The following MCU variants were observed in gnomAD, a reference collection of about 807,000 sequenced individuals.
MCU encodes mitochondrial calcium uniporter, also known as calcium uniporter protein, mitochondrial.
MCU carries 12 observed loss-of-function variants against 45.2 expected under a neutral mutation model. The observed-to-expected ratio is 0.27, with a 90% confidence interval of 0.17 to 0.43. MCU has a LOEUF of 0.43. MCU is among the 20% of genes least tolerant of loss of function. The probability of loss-of-function intolerance (pLI) is 1.00; values close to 1 mark genes in which losing one functional copy is unlikely to be tolerated. For synonymous variants in MCU, 160 were observed against 165.1 expected (o/e 0.97, Z 0.24); for missense variants, 324 against 436.7 (o/e 0.74, Z 2.30).
chr10:72,829,289 C>T (rs1055926320), intron 1 of MCU, among the ~76,000 whole-genome samples: 1 of 148,446 alleles, frequency 6.7e-6, no homozygotes, highest in Non-Finnish European at 1.5e-5. Flanking sequence ...TGCTACTGCA[C>T]TCCAGCCTGG....
intron 1 of MCU, among the ~76,000 whole-genome samples, chr10:72,752,260 T>C (rs1589444800): frequency 6.6e-6 from 1 of 151,798 alleles, no homozygotes; most frequent in African/African-American, 2.4e-5. Context: ...TCCAGATTTT[T>C]TTTTTTTTTT....
intron 6 of MCU, among the ~76,000 whole-genome samples, chr10:72,874,169 A>C (rs1564581314): frequency 6.6e-6 from 1 of 152,186 alleles, no homozygotes; most frequent in African/African-American, 2.4e-5. Flanking sequence ...GAATGCATCA[A>C]ATGTGTACAT....
chr10:72,694,353 G>A (rs758523599), intron 1 of MCU, among the ~76,000 whole-genome samples: 25 of 152,308 alleles, frequency 1.6e-4, no homozygotes, highest in Non-Finnish European at 3.1e-4. Context: ...CCAAGGTTAC[G>A]TTAGCTAATA....
At chr10:72,755,839 AT>A (rs57441750) in intron 1 of MCU, among the ~76,000 whole-genome samples, 1,852 of 134,282 alleles carry the variant, frequency 0.014, 13 homozygotes, top group South Asian at 0.033. Context: ...AATTGAAACC[AT>A]TTTTTTTTTT....
intron 1 of MCU, among the ~76,000 whole-genome samples, chr10:72,790,401 G>T (rs1039297407): frequency 6.6e-6 from 1 of 152,060 alleles, no homozygotes; most frequent in African/African-American, 2.4e-5. Context: ...CTACATGAAT[G>T]TTGTATGTAT....
intron 1 of MCU, among the ~76,000 whole-genome samples, chr10:72,775,634 T>C (rs993511347): frequency 2.0e-5 from 3 of 152,050 alleles, no homozygotes; most frequent in Non-Finnish European, 4.4e-5. Context: ...AACAAATCTT[T>C]AGCTAGTCTA....
intron 1 of MCU, among the ~76,000 whole-genome samples, chr10:72,720,754 C>CT (rs1391207095): frequency 6.6e-6 from 1 of 152,158 alleles, no homozygotes. Flanking sequence ...TACTTGTATT[C>CT]TCTGCAGTGT....
chr10:72,765,345 G>A (rs1388647139), intron 1 of MCU, among the ~76,000 whole-genome samples: 2 of 152,020 alleles, frequency 1.3e-5, no homozygotes, highest in African/African-American at 2.4e-5. Flanking sequence ...TGAGTAGAAG[G>A]GAAAGGTTTT....
intron 1 of MCU, among the ~76,000 whole-genome samples, chr10:72,695,316 A>G (rs1227343157): frequency 1.3e-5 from 2 of 152,190 alleles, no homozygotes; most frequent in Admixed American, 1.3e-4. Flanking sequence ...TGGCAATGAC[A>G]TTGTTTCAGC....
intron 4 of MCU, among the ~76,000 whole-genome samples, chr10:72,862,808 C>T (rs894180056): frequency 5.3e-5 from 8 of 151,820 alleles, no homozygotes; most frequent in Admixed American, 2.6e-4. Flanking sequence ...CCTGTAATCC[C>T]AGCACTTTAG....
At chr10:72,831,193 A>G (rs1209425532) in intron 1 of MCU, among the ~76,000 whole-genome samples, 1 of 152,264 alleles carries the variant, frequency 6.6e-6, no homozygotes, top group Non-Finnish European at 1.5e-5. Context: ...AGATGAGGAA[A>G]TAAATGATGT....
chr10:72,871,973 T>C (rs1845548888), intron 6 of MCU, among the ~76,000 whole-genome samples: 1 of 152,194 alleles, frequency 6.6e-6, no homozygotes, highest in South Asian at 2.1e-4. Flanking sequence ...TTTATTGAGT[T>C]TTTGGAATGG....
intron 2 of MCU, among the ~76,000 whole-genome samples, chr10:72,852,147 T>G (rs536984575): frequency 4.6e-5 from 7 of 152,362 alleles, no homozygotes; most frequent in African/African-American, 1.7e-4. Flanking sequence ...AATGACTTCG[T>G]CATCATTACT....
At chr10:72,728,000 A>G (rs1001292839) in intron 1 of MCU, among the ~76,000 whole-genome samples, 3 of 152,046 alleles carry the variant, frequency 2.0e-5, no homozygotes, top group Non-Finnish European at 2.9e-5. Context: ...AAAATGCCCA[A>G]ATTATACCAC....
chr10:72,847,064 C>T (rs901415765), intron 2 of MCU, among the ~76,000 whole-genome samples: 6 of 152,170 alleles, frequency 3.9e-5, no homozygotes, highest in Admixed American at 6.5e-5. Flanking sequence ...CTCCGCCTCC[C>T]GGGTTCAAGC....
intron 1 of MCU, among the ~76,000 whole-genome samples, chr10:72,822,839 C>CA (rs552126064): frequency 0.018 from 2,349 of 132,776 alleles, 60 homozygotes; most frequent in East Asian, 0.14. Context: ...GACCCTGTCT[C>CA]AAAAAAAAAA....
intron 1 of MCU, among the ~76,000 whole-genome samples, chr10:72,790,802 C>A (rs1003179664): frequency 1.3e-5 from 2 of 152,130 alleles, no homozygotes; most frequent in African/African-American, 4.8e-5. Context: ...AATAACACCA[C>A]TTCAGTCGAA....
chr10:72,780,816 C>G (rs973036518), intron 1 of MCU, among the ~76,000 whole-genome samples: 12 of 152,204 alleles, frequency 7.9e-5, no homozygotes, highest in Admixed American at 7.2e-4. Context: ...CTTACACTCA[C>G]AGGCTTATTT....
chr10:72,861,655 A>G, intron 4 of MCU: 1 of 372,422 alleles, frequency 2.7e-6, no homozygotes, highest in Non-Finnish European at 5.1e-6. Flanking sequence ...CCGCCAGGCT[A>G]ATTTTTTTTT....
Sources: gnomAD v4.1 joint callset for allele counts (sites outside exome capture counted in the v4.1 genomes callset) on GRCh38, gnomAD v4.1.1 for gene constraint, MANE v1.5 for transcripts, NCBI Gene and HGNC (gene_info 2026-07-23, HGNC 2026-07-21) for gene names.